ZNF814: variants seen among roughly 807,000 people sequenced by gnomAD.
ZNF814 encodes the protein zinc finger protein 814.
In ZNF814, 5 loss-of-function variants were observed where a neutral mutation model predicts 7.5. The ratio of observed to expected loss-of-function variants is 0.67; its 90% CI spans 0.35 to 1.40. ZNF814 has a LOEUF of 1.40. Ranked by LOEUF, ZNF814 falls within the 40% of genes most tolerant of loss-of-function variation. ZNF814 has a pLI of 0.04. For missense variants in ZNF814, 962 were observed against 1,018.0 expected (o/e 0.94, Z 0.75); for synonymous variants, 315 against 340.7 (o/e 0.92, Z 0.83).
At chr19:57,879,690 G>A (rs1200257844) in intron 1 of ZNF814, among the ~76,000 whole-genome samples, 2 of 149,790 alleles carry the variant, frequency 1.3e-5, no homozygotes, top group Non-Finnish European at 3.0e-5. Flanking sequence ...CAGGGTCTGA[G>A]CATGGTGAAA....
At chr19:57,899,989 G>C in the ZNF814 span, among the ~76,000 whole-genome samples, 1 of 152,186 alleles carries the variant, frequency 6.6e-6, no homozygotes, top group African/African-American at 2.4e-5. Flanking sequence ...GGCAGGTTTT[G>C]TTGGCATTCT....
At chr19:57,900,838 C>CTTTTTTTTTT in the ZNF814 span, among the ~76,000 whole-genome samples, 8 of 56,426 alleles carry the variant, frequency 1.4e-4, no homozygotes, top group Non-Finnish European at 2.2e-4. Context: ...GCCATGGCTG[C>CTTTTTTTTTT]ATTTTTTTTT....
In ZNF814 at chr19:57,871,615, T is replaced by G. The variant is rs548574873; in HGVS notation, c.*1207A>C. 6.6e-6 allele frequency: 1 copy of G among 151,604 alleles called. No individual in the cohort carries two copies. The highest frequency in any genetic ancestry group is 1.9e-4 in the East Asian group (1 of 5,144). 9.4% of individuals were successfully genotyped at this position (151,604 alleles called of 1,614,324 possible). On this transcript the variant is annotated 3_prime_UTR_variant, in exon 3 of 3. Coordinates refer to ENST00000435989, the MANE Select transcript of ZNF814 (RefSeq NM_001144989.2). ...GGATCATGACTTGGAGGGTAGAAAA[T>G]TTGTCAAGATTGATGTGATACCCAC...
rs988369358 is a variant in ZNF814 at position 57,870,613 on chromosome 19, T to A, written c.*2209A>T. On this transcript the variant is annotated 3_prime_UTR_variant, in exon 3 of 3. Coordinates refer to ENST00000435989, the MANE Select transcript of ZNF814 (RefSeq NM_001144989.2). ...CTCAACAATACAATATTCATCATTATGGAAGTCCTGATAATTCCTGTATCT... is the reference window on the plus strand; with the variant it reads ...CTCAACAATACAATATTCATCATTAAGGAAGTCCTGATAATTCCTGTATCT... The A allele has an allele frequency of 1.3e-5, 2 of 152,376 alleles. No individual in the cohort carries two copies. Among genetic ancestry groups the A allele is most frequent in the African/African-American group, 4.8e-5 (2 of 41,580 alleles). 9.4% of individuals were successfully genotyped at this position (152,376 alleles called of 1,614,324 possible).
At chr19:57,901,768 T>C in the ZNF814 span, 1 of 398,524 alleles carries the variant, frequency 2.5e-6, no homozygotes, top group Non-Finnish European at 4.4e-6. Context: ...GTGGCTATGA[T>C]GGTGGTACTT....
In ZNF814 at chr19:57,873,542, C is replaced by G. The variant is rs765938275; in HGVS notation, c.1848G>C (p.Lys616Asn). Residue 616 changes from lysine (K) to asparagine (N), a missense_variant, in exon 3 of 3, where the codon AAG (lysine) becomes AAC (asparagine). By Grantham distance (94) the Lys-to-Asn change is moderately conservative (BLOSUM62 0). Around this residue, in one of 7 missense-constraint regions of ZNF814, gnomAD observed 665 missense variants for 551.4 expected, o/e 1.21. Transcript: ENST00000435989. The part of the protein sequence containing the change: ...CGECGKSFSH[K>N]RSLVHHQRMH... Reference sequence around the variant, plus strand: ...TGCGCTGATGGTGAACAAGGCTGCGCTTATGACTAAAAGATTTCCCACATT... The same window carrying G: ...TGCGCTGATGGTGAACAAGGCTGCGGTTATGACTAAAAGATTTCCCACATT... 6.2e-7 allele frequency: 1 copy of G among 1,614,046 alleles called. No homozygotes were observed. Among genetic ancestry groups the G allele is most frequent in the Non-Finnish European group, 8.5e-7 (1 of 1,179,996 alleles).
chr19:57,901,682 A>G, the ZNF814 span: 4 of 317,276 alleles, frequency 1.3e-5, no homozygotes, highest in East Asian at 4.0e-5. Context: ...ACATGGGGAC[A>G]AATCAGGAAA....
intron 1 of ZNF814, among the ~76,000 whole-genome samples, chr19:57,884,646 C>CA (rs139855656): frequency 0.067 from 10,216 of 152,086 alleles, 1,093 homozygotes; most frequent in African/African-American, 0.23. Context: ...CAATGACATA[C>CA]AAATGGCAAA....
At chr19:57,889,259 T>C (rs1297876030), upstream of ZNF814, among the ~76,000 whole-genome samples, 8 of 152,276 alleles carry the variant, frequency 5.3e-5, no homozygotes, top group Admixed American at 3.3e-4. Flanking sequence ...AAGATGTGCG[T>C]CCTGACTGGT....
At position 57,869,470 on chromosome 19, in the gene ZNF814, G is replaced by A. The variant is rs986763835; in HGVS notation, c.*3352C>T. 6.6e-6 allele frequency: 1 copy of A among 152,052 alleles called. No homozygotes were observed. The highest frequency in any genetic ancestry group is 2.4e-5 in the African/African-American group (1 of 41,386). The allele number at this position is 152,052 out of a possible 1,614,324, so 9.4% of individuals were successfully genotyped here. ...TGTACAGCAAAGTAAATCATTGGTT[G>A]TCTGGAGAACAGAAAGAAAGCCTTT... On this transcript the variant is annotated 3_prime_UTR_variant, in exon 3 of 3. Coordinates refer to ENST00000435989, the MANE Select transcript of ZNF814 (RefSeq NM_001144989.2).
chr19:57,905,000 T>C, the ZNF814 span, among the ~76,000 whole-genome samples: 2 of 145,846 alleles, frequency 1.4e-5, no homozygotes, highest in Non-Finnish European at 3.0e-5. Context: ...TGAGCCAAGA[T>C]TGTGCCATTG....
chr19:57,888,674 G>C (rs2071713494), intron 1 of ZNF814, 93 bp downstream of exon 1: 1 of 1,485,356 alleles, frequency 6.7e-7, no homozygotes, highest in East Asian at 2.5e-5. Flanking sequence ...CAACGCCGGC[G>C]TCCGGGCTGC....
At chr19:57,898,905 A>C in the ZNF814 span, among the ~76,000 whole-genome samples, 1 of 149,032 alleles carries the variant, frequency 6.7e-6, no homozygotes, top group African/African-American at 2.5e-5. Context: ...GTGCCACTGC[A>C]CTCCAGCCTG....
rs2071542814 is a variant in ZNF814 at position 57,869,952 on chromosome 19, A to AT, written c.*2869_*2870insA. On this transcript the variant is annotated 3_prime_UTR_variant, in exon 3 of 3. Transcript: ENST00000435989. ...AGTGAGACTCTGTCTCAAAAAAAAA[A>AT]AAAAAAGGTTGGGCACGGTGGCTCA... 1 of 151,558 alleles carries AT rather than the reference A, an allele frequency of 6.6e-6. No individual in the cohort carries two copies. Among genetic ancestry groups the AT allele is most frequent in the Non-Finnish European group, 1.5e-5 (1 of 67,956 alleles). The allele number at this position is 151,558 out of a possible 1,614,324, so 9.4% of individuals were successfully genotyped here. A position where few individuals can be genotyped will look rare whatever the true frequency, so the allele number is the denominator to read the frequency against.
upstream of ZNF814, among the ~76,000 whole-genome samples, chr19:57,892,749 G>T (rs183826948): frequency 6.6e-6 from 1 of 152,208 alleles, no homozygotes. Context: ...ATGGGAGTGG[G>T]GGGGGCTTCT....
At chr19:57,903,200 T>A in the ZNF814 span, among the ~76,000 whole-genome samples, 1 of 152,192 alleles carries the variant, frequency 6.6e-6, no homozygotes, top group Non-Finnish European at 1.5e-5. Flanking sequence ...TTCAAAAAGA[T>A]TTATAGTTGC....
chr19:57,902,070 C>A, the ZNF814 span, among the ~76,000 whole-genome samples: 6 of 152,176 alleles, frequency 3.9e-5, 1 homozygote, highest in African/African-American at 1.4e-4. Flanking sequence ...GGCAGTAATC[C>A]CTGGAAAAAA....
At chr19:57,886,630 G>A (rs2071696072) in intron 1 of ZNF814, among the ~76,000 whole-genome samples, 1 of 151,672 alleles carries the variant, frequency 6.6e-6, no homozygotes, top group South Asian at 2.1e-4. Context: ...TATAATCCCA[G>A]CACTTTCGGA....
chr19:57,893,259 C>T (rs1449544569), upstream of ZNF814, among the ~76,000 whole-genome samples: 13 of 151,306 alleles, frequency 8.6e-5, no homozygotes, highest in Admixed American at 6.6e-4. Flanking sequence ...CTGCAACCTC[C>T]GCCTCCTGGG....
Sources: gnomAD v4.1 joint callset for allele counts (sites outside exome capture counted in the v4.1 genomes callset) on GRCh38, gnomAD v4.1.1 for gene constraint, gnomAD v4.1.1 regional missense constraint, MANE v1.5 for transcripts, NCBI Gene and HGNC (gene_info 2026-07-23, HGNC 2026-07-21) for gene names.